RBFOX3: variants seen among roughly 807,000 people sequenced by gnomAD.
RBFOX3 encodes the protein RNA binding protein fox-1 homolog 3.
Under a neutral mutation model 48.7 loss-of-function variants are expected in RBFOX3, and 17 were observed. That is an observed-to-expected ratio of 0.35 (90% CI 0.24 to 0.52). The LOEUF (loss-of-function observed/expected upper bound fraction) is 0.52. Among genes scored for constraint, RBFOX3 ranks in the 20% least tolerant of loss-of-function variants. RBFOX3 has a pLI of 0.94. For synonymous variants in RBFOX3, 212 were observed against 209.5 expected (o/e 1.01, Z -0.10); for missense variants, 382 against 497.5 (o/e 0.77, Z 2.21).
Position 79,477,619 on chromosome 17 carries a change from C to T in RBFOX3, c.-175+4835G>A, listed in dbSNP as rs1413985959. Among the ~76,000 whole-genome samples, 3 of 151,902 alleles carry T rather than the reference C, an allele frequency of 2.0e-5. No individual in the cohort carries two copies. Among genetic ancestry groups the T allele is most frequent in the African/African-American group, 4.8e-5 (2 of 41,326 alleles). ...GTGAAACAGAAGCAATGGAGTGGGGCCCCAGGTCCTTGTCTCATGTCCTCT... is the reference window on the plus strand; with the variant it reads ...GTGAAACAGAAGCAATGGAGTGGGGTCCCAGGTCCTTGTCTCATGTCCTCT... On this transcript the variant is annotated intron_variant, in intron 2 of 14. Coordinates refer to ENST00000693108, the MANE Select transcript of RBFOX3 (RefSeq NM_001350451.2). The surrounding 1 kb of genome is among the most constrained non-coding windows in gnomAD (Gnocchi z 4.8).
intron 4 of RBFOX3, among the ~76,000 whole-genome samples, chr17:79,197,393 T>C (rs1244125455): frequency 5.4e-4 from 65 of 120,626 alleles, no homozygotes; most frequent in Middle Eastern, 3.7e-3. Context: ...TCTTTCTTTT[T>C]TTTTTTTTTT....
intron 4 of RBFOX3, among the ~76,000 whole-genome samples, chr17:79,143,340 G>T (rs1471451458): frequency 1.4e-5 from 2 of 138,702 alleles, no homozygotes; most frequent in African/African-American, 5.4e-5. Context: ...TCTGGGGACA[G>T]TTCTGTGGAT....
At chr17:79,328,022 T>C (rs944227708) in intron 2 of RBFOX3, among the ~76,000 whole-genome samples, 2 of 152,168 alleles carry the variant, frequency 1.3e-5, no homozygotes, top group African/African-American at 2.4e-5. Context: ...TATACAAACA[T>C]TGATGACAAA....
intron 2 of RBFOX3, among the ~76,000 whole-genome samples, chr17:79,458,787 T>C (rs1229719093): frequency 6.6e-6 from 1 of 152,026 alleles, no homozygotes; most frequent in Non-Finnish European, 1.5e-5. Flanking sequence ...AGCGAGATGT[T>C]GAAGCCCTCA....
chr17:79,603,324 T>C (rs1338714589), intron 1 of RBFOX3, among the ~76,000 whole-genome samples: 1 of 152,116 alleles, frequency 6.6e-6, no homozygotes, highest in Non-Finnish European at 1.5e-5. Flanking sequence ...CCGCTGGCAG[T>C]GGAGGCATGG....
the RBFOX3 span, among the ~76,000 whole-genome samples, chr17:79,620,358 TG>T: frequency 4.1e-5 from 5 of 123,184 alleles, no homozygotes; most frequent in South Asian, 1.3e-3. Flanking sequence ...CACACGGACA[TG>T]GACACACACG....
At chr17:79,557,896 C>G (rs1199999884) in intron 1 of RBFOX3, among the ~76,000 whole-genome samples, 5 of 152,246 alleles carry the variant, frequency 3.3e-5, no homozygotes, top group African/African-American at 1.2e-4. Flanking sequence ...GGTGGCGCTG[C>G]GGTTGTTTGC....
chr17:79,345,411 G>A (rs1161933696), intron 2 of RBFOX3, among the ~76,000 whole-genome samples: 1 of 152,162 alleles, frequency 6.6e-6, no homozygotes, highest in Admixed American at 6.5e-5. Context: ...TGTTCATAAA[G>A]GGATTGAACC....
chr17:79,459,648 C>T (rs2075107535), intron 2 of RBFOX3, among the ~76,000 whole-genome samples: 1 of 152,144 alleles, frequency 6.6e-6, no homozygotes, highest in Non-Finnish European at 1.5e-5. Context: ...CCACCCTCAA[C>T]ACTGGCCACC....
chr17:79,528,154 A>G (rs1004971750), intron 1 of RBFOX3, among the ~76,000 whole-genome samples: 2 of 151,168 alleles, frequency 1.3e-5, no homozygotes, highest in Non-Finnish European at 2.9e-5. Flanking sequence ...CCTCTGAGGT[A>G]TCTCTGAGGA....
Position 79,122,946 on chromosome 17 carries a change from C to T in RBFOX3, c.-33-7198G>A, listed in dbSNP as rs533455568. Among the ~76,000 whole-genome samples the T allele has an allele frequency of 6.6e-5, 10 of 152,036 alleles. No individual in the cohort carries two copies. In the South Asian group the frequency reaches 2.1e-3, roughly 32 times the overall value. On this transcript the variant is annotated intron_variant, in intron 4 of 14. Transcript: ENST00000693108. ...ACATCATTTTGTTAAGTGAAATAAG[C>T]CAGGCACAGAAAGACAAACATCGCA...
the RBFOX3 span, among the ~76,000 whole-genome samples, chr17:79,653,692 G>A: frequency 6.6e-6 from 1 of 152,126 alleles, no homozygotes; most frequent in Admixed American, 6.5e-5. Flanking sequence ...AGTAGGAAGG[G>A]GGAAAGAGAA....
intron 3 of RBFOX3, among the ~76,000 whole-genome samples, chr17:79,248,219 G>T (rs1269964156): frequency 6.6e-6 from 1 of 152,182 alleles, no homozygotes; most frequent in Non-Finnish European, 1.5e-5. Flanking sequence ...AAAGGCTGGT[G>T]GCTTTGTTTT....
intron 3 of RBFOX3, among the ~76,000 whole-genome samples, chr17:79,241,557 G>C (rs2062382173): frequency 6.6e-6 from 1 of 152,180 alleles, no homozygotes; most frequent in South Asian, 2.1e-4. Context: ...GTGACTCTGT[G>C]CTGAGGAAGG....
At chr17:79,408,029 G>GC (rs1444899492) in intron 2 of RBFOX3, among the ~76,000 whole-genome samples, 1 of 152,128 alleles carries the variant, frequency 6.6e-6, no homozygotes, top group Non-Finnish European at 1.5e-5. Flanking sequence ...TCTGGAGCCC[G>GC]CCAGCCCCAC....
intron 1 of RBFOX3, among the ~76,000 whole-genome samples, chr17:79,607,898 A>G (rs1385615175): frequency 1.3e-5 from 2 of 152,190 alleles, no homozygotes; most frequent in Non-Finnish European, 2.9e-5. Flanking sequence ...GCCACGCTCC[A>G]AGTTGAGTAA....
At chr17:79,119,222 C>T (rs1229702170) in intron 4 of RBFOX3, among the ~76,000 whole-genome samples, 11 of 152,144 alleles carry the variant, frequency 7.2e-5, no homozygotes, top group Non-Finnish European at 1.5e-4. Flanking sequence ...GCAGTAGGTG[C>T]CAGATCTGAG....
chr17:79,099,761 C>A (rs2076075696), intron 9 of RBFOX3: 1 of 152,206 alleles, frequency 6.6e-6, no homozygotes, highest in African/African-American at 2.4e-5. Flanking sequence ...TGTCTGGAAC[C>A]CCAGATGGCA....
intron 3 of RBFOX3, among the ~76,000 whole-genome samples, chr17:79,292,197 G>C (rs1437663246): frequency 1.3e-5 from 2 of 152,110 alleles, no homozygotes; most frequent in Non-Finnish European, 2.9e-5. Flanking sequence ...CTGGTGCCAG[G>C]ACACTTCACA....
Sources: allele counts gnomAD v4.1 joint callset (sites outside exome capture counted in the v4.1 genomes callset), GRCh38; gene constraint gnomAD v4.1.1; non-coding constraint Gnocchi (gnomAD v3.1); transcripts MANE v1.5; gene names NCBI Gene and HGNC (gene_info 2026-07-23, HGNC 2026-07-21).